Variants in LTBP1 observed in about 807,000 individuals in gnomAD.
LTBP1 encodes the protein latent-transforming growth factor beta-binding protein 1.
In LTBP1, 129 loss-of-function variants were observed where a neutral mutation model predicts 207.6. The ratio of observed to expected loss-of-function variants is 0.62; its 90% CI spans 0.54 to 0.72. The LOEUF is 0.72. Among genes scored for constraint, LTBP1 ranks in the 30% least tolerant of loss-of-function variants. The pLI is 0.00. For synonymous variants in LTBP1, 963 were observed against 833.7 expected, an observed-to-expected ratio of 1.16 and a Z score of -2.67; for missense variants, 2,281 against 2,217.2, an observed-to-expected ratio of 1.03 and a Z score of -0.58.
At chr2:32,990,952 C>T (rs1456029883) in intron 2 of LTBP1, among the ~76,000 whole-genome samples, 1 of 152,126 alleles carries the variant, frequency 6.6e-6, no homozygotes, top group African/African-American at 2.4e-5. Context: ...GTTCATCTCT[C>T]ACAGATAAAC....
chr2:33,309,909 G>C (rs973427170), intron 23 of LTBP1, among the ~76,000 whole-genome samples: 1 of 147,994 alleles, frequency 6.8e-6, no homozygotes, highest in Admixed American at 6.7e-5. Context: ...GTATTTATCT[G>C]TCCTTTTCTG....
intron 10 of LTBP1, among the ~76,000 whole-genome samples, chr2:33,250,640 C>G (rs1327131822): frequency 6.6e-6 from 1 of 152,168 alleles, no homozygotes; most frequent in Non-Finnish European, 1.5e-5. Context: ...CCCTTCGGCC[C>G]TCACAGACTC....
intron 4 of LTBP1, among the ~76,000 whole-genome samples, chr2:33,111,422 A>G (rs1039944979): frequency 6.6e-6 from 1 of 152,224 alleles, no homozygotes; most frequent in Non-Finnish European, 1.5e-5. Context: ...GGCGAGAGCT[A>G]GACACACGCT....
intron 7 of LTBP1, among the ~76,000 whole-genome samples, chr2:33,205,581 A>G (rs1002476853): frequency 3.9e-5 from 6 of 152,194 alleles, no homozygotes; most frequent in African/African-American, 1.4e-4. Flanking sequence ...TATCCAGAAT[A>G]TATGGCTTCC....
chr2:33,358,429 T>C (rs2094890195), intron 26 of LTBP1, among the ~76,000 whole-genome samples: 1 of 151,536 alleles, frequency 6.6e-6, no homozygotes, highest in African/African-American at 2.4e-5. Context: ...CATAAAATTA[T>C]ATTTAAATAT....
chr2:33,087,792 A>G (rs1390898262), intron 3 of LTBP1, among the ~76,000 whole-genome samples: 1 of 152,196 alleles, frequency 6.6e-6, no homozygotes, highest in African/African-American at 2.4e-5. Flanking sequence ...GCATTTCTCG[A>G]GTTTTCGGAA....
chr2:32,962,720 CTTCCTT>C (rs1344068150), intron 2 of LTBP1, among the ~76,000 whole-genome samples: 26 of 152,356 alleles, frequency 1.7e-4, no homozygotes, highest in Admixed American at 1.7e-3. Context: ...TTCCCCATTT[CTTCCTT>C]TAATACAGAG....
chr2:33,216,926 A>G (rs2090757389), intron 7 of LTBP1, among the ~76,000 whole-genome samples: 2 of 152,152 alleles, frequency 1.3e-5, no homozygotes, highest in Non-Finnish European at 2.9e-5. Context: ...TGCCTGCTCA[A>G]GCTGGTCTCG....
intron 11 of LTBP1, among the ~76,000 whole-genome samples, chr2:33,253,931 C>T (rs926748143): frequency 7.0e-6 from 1 of 142,432 alleles, no homozygotes; most frequent in Non-Finnish European, 1.5e-5. Context: ...GCTTTGTTGC[C>T]CAGGCTGGAG....
At chr2:33,391,073 CTT>C (rs397968517) in intron 32 of LTBP1, among the ~76,000 whole-genome samples, 1 of 145,256 alleles carries the variant, frequency 6.9e-6, no homozygotes, top group Non-Finnish European at 1.5e-5. Context: ...TCCCCTCCAC[CTT>C]TTTTTTTTTG....
At chr2:33,140,669 A>AAT (rs2082575942) in intron 5 of LTBP1, among the ~76,000 whole-genome samples, 2 of 141,666 alleles carry the variant, frequency 1.4e-5, no homozygotes, top group Non-Finnish European at 3.1e-5. Context: ...TAATTAATTA[A>AAT]TTTTTTTTTT....
intron 4 of LTBP1, among the ~76,000 whole-genome samples, chr2:33,129,052 A>AGCC (rs2081605784): frequency 6.6e-6 from 1 of 152,198 alleles, no homozygotes. Context: ...CACCTGGAAC[A>AGCC]GCCTGGAACA....
Position 33,257,512 on chromosome 2 carries a change from G to A in LTBP1, c.2395+1G>A, listed in dbSNP as rs2092896660. The A allele has an allele frequency of 1.2e-6, 2 of 1,612,920 alleles. No individual in the cohort carries two copies. The highest frequency in any genetic ancestry group is 1.7e-6 in the Non-Finnish European group (2 of 1,178,932). ...GGGCCAGGAGTGGCGGAGCCAGAAG[G>A]TGAGAGCGGTAATGGATCATGGACT... On this transcript the variant is annotated splice_donor_variant, in intron 12 of 33. Coordinates refer to ENST00000404816, the MANE Select transcript of LTBP1 (RefSeq NM_206943.4). LOFTEE classifies it high-confidence loss of function.
intron 4 of LTBP1, among the ~76,000 whole-genome samples, chr2:33,119,450 C>T (rs1231913388): frequency 6.6e-6 from 1 of 152,202 alleles, no homozygotes; most frequent in East Asian, 1.9e-4. Context: ...AATGCTTTGT[C>T]TTCTCATGAA....
chr2:33,173,711 A>C (rs2085715480), intron 5 of LTBP1, among the ~76,000 whole-genome samples: 1 of 150,318 alleles, frequency 6.7e-6, no homozygotes, highest in African/African-American at 2.4e-5. Context: ...AAAAAAGAGA[A>C]TTTTAGACCA....
chr2:32,996,811 G>T (rs1005169588), intron 2 of LTBP1, among the ~76,000 whole-genome samples: 3 of 152,120 alleles, frequency 2.0e-5, no homozygotes, highest in African/African-American at 7.2e-5. Flanking sequence ...GTACACCCAG[G>T]CCAGTCTCGC....
At chr2:33,047,480 CTGTT>C (rs759477945) in intron 3 of LTBP1, among the ~76,000 whole-genome samples, 4 of 152,136 alleles carry the variant, frequency 2.6e-5, no homozygotes, top group African/African-American at 9.7e-5. Flanking sequence ...GCCTGAGAGA[CTGTT>C]TGTTATGATT....
In LTBP1 at chr2:33,217,654, T is replaced by G. The variant is rs753155140; in HGVS notation, c.1804T>G (p.Ser602Ala). Residue 602 changes from serine to alanine, a missense_variant and splice_region_variant, in exon 8 of 34, where the codon TCT (serine) becomes GCT (alanine). Coordinates refer to ENST00000404816, the MANE Select transcript of LTBP1 (RefSeq NM_206943.4). ...NKCQKCPKKP[S>A]YHGYNQMMEC... is the part of the protein sequence containing the mutation. ...ATGCCAGAAATGCCCCAAGAAACCA[T>G]GTAAGTAATGTTTCCTCACTCCTTT... 1.9e-6 allele frequency: 3 copies of G among 1,607,732 alleles called. No individual in the cohort carries two copies. The highest frequency in any genetic ancestry group is 4.5e-5 in the East Asian group (2 of 44,822).
At chr2:33,256,188 C>T (rs1202913061) in intron 11 of LTBP1, among the ~76,000 whole-genome samples, 4 of 152,144 alleles carry the variant, frequency 2.6e-5, no homozygotes, top group South Asian at 4.2e-4. Context: ...GAGCTGGTCA[C>T]GGCCAGGCTT....
Sources: allele counts gnomAD v4.1 joint callset (sites outside exome capture counted in the v4.1 genomes callset), GRCh38; gene constraint gnomAD v4.1.1; transcripts MANE v1.5; gene names NCBI Gene and HGNC (gene_info 2026-07-23, HGNC 2026-07-21).